The following PADI1 variants were observed in gnomAD, a reference collection of about 807,000 sequenced individuals.
PADI1 encodes the protein protein-arginine deiminase type-1.
Under a neutral mutation model 74.8 loss-of-function variants are expected in PADI1, and 65 were observed. The observed-to-expected ratio is 0.87, with a 90% CI of 0.71 to 1.07. The LOEUF (loss-of-function observed/expected upper bound fraction) is 1.07, where lower values mean the gene tolerates loss of function less well. Among genes scored for constraint, PADI1 ranks in the 50% least tolerant of loss-of-function variants. The pLI is 0.00. For synonymous variants in PADI1, 371 were observed against 336.2 expected (o/e 1.10, Z -1.13); for missense variants, 943 against 854.0 (o/e 1.10, Z -1.30).
At chr1:17,213,909 T>A (rs1265022623) in intron 1 of PADI1, among the ~76,000 whole-genome samples, 1 of 152,174 alleles carries the variant, frequency 6.6e-6, no homozygotes, top group African/African-American at 2.4e-5. Context: ...AACCTCTCTA[T>A]TGAACCTGAT....
Position 17,232,912 on chromosome 1 carries a change from A to T in PADI1, c.1255A>T (p.Thr419Ser), listed in dbSNP as rs938940275. The part of the protein sequence containing the change: ...FGNLDVSPPV[T>S]VGGTEYPLGR... ...CAACCTGGACGTCAGCCCGCCCGTC[A>T]CGGTGGGCGGCACGGAATACCCCCT... Residue 419 changes from threonine to serine, a missense_variant, in exon 11 of 16, where the codon ACG (threonine) becomes TCG (serine). Physicochemically the swap from Thr to Ser is moderately conservative, Grantham distance 58. Coordinates refer to ENST00000375471, the MANE Select transcript of PADI1 (RefSeq NM_013358.3). 6.2e-7 allele frequency: 1 copy of T among 1,612,830 alleles called. No homozygotes were observed. The highest frequency in any genetic ancestry group is 8.5e-7 in the Non-Finnish European group (1 of 1,179,846).
chr1:17,215,261 G>A (rs2071944456), intron 1 of PADI1, among the ~76,000 whole-genome samples: 1 of 152,180 alleles, frequency 6.6e-6, no homozygotes, highest in Non-Finnish European at 1.5e-5. Context: ...AGAGGTGTGA[G>A]CTATTGAGCA....
rs907629626 is a variant in PADI1 at position 17,228,972 on chromosome 1, A to G, written c.850A>G (p.Thr284Ala). The G allele has an allele frequency of 4.4e-6, 7 of 1,600,216 alleles. No homozygotes were observed. The African/African-American group carries it at 6.7e-5, about 15-fold the overall frequency. ...GACCCTGCCCGAGGTGACCCTCTTC[A>G]CAGACACTGTGGGCTTCCGCATGGC... The part of the protein sequence containing the change: ...PGTLPEVTLF[T>A]DTVGFRMAPW... Residue 284 changes from threonine (T) to alanine (A), a missense_variant, in exon 8 of 16, where the codon ACA becomes GCA. Coordinates refer to ENST00000375471, the MANE Select transcript of PADI1 (RefSeq NM_013358.3).
At chr1:17,219,524 A>G (rs1205419677) in intron 1 of PADI1, among the ~76,000 whole-genome samples, 1 of 152,160 alleles carries the variant, frequency 6.6e-6, no homozygotes, top group East Asian at 1.9e-4. Context: ...GGTGGAGGAC[A>G]GGAGCATTGG....
chr1:17,218,362 C>T (rs1224645180), intron 1 of PADI1, among the ~76,000 whole-genome samples: 1 of 152,124 alleles, frequency 6.6e-6, no homozygotes, highest in African/African-American at 2.4e-5. Flanking sequence ...CCCCCCCACT[C>T]CAGAGAGCTG....
chr1:17,207,823 G>C (rs1227242294), intron 1 of PADI1, among the ~76,000 whole-genome samples: 1 of 152,240 alleles, frequency 6.6e-6, no homozygotes, highest in East Asian at 1.9e-4. Flanking sequence ...ACCTTCACCT[G>C]GGTGTTGGTG....
At chr1:17,227,508 G>A (rs2072349933) in intron 6 of PADI1, among the ~76,000 whole-genome samples, 1 of 151,342 alleles carries the variant, frequency 6.6e-6, no homozygotes, top group African/African-American at 2.4e-5. Context: ...TCCAGCCTGG[G>A]AGACAGAGTG....
intron 14 of PADI1, 81 bp downstream of exon 14, chr1:17,239,864 G>A: frequency 8.7e-7 from 1 of 1,147,852 alleles, no homozygotes; most frequent in Non-Finnish European, 1.3e-6. Flanking sequence ...GGTTGGGTCA[G>A]AGATTCAGCG....
At chr1:17,225,774 G>T in intron 4 of PADI1, 37 bp from the exon 5 acceptor site, 2 of 1,517,766 alleles carry the variant, frequency 1.3e-6, no homozygotes, top group South Asian at 1.1e-5. Flanking sequence ...GAGCCTCCTG[G>T]GTCCCACTGA....
At chr1:17,210,283 A>G (rs1435079121) in intron 1 of PADI1, among the ~76,000 whole-genome samples, 1 of 151,998 alleles carries the variant, frequency 6.6e-6, no homozygotes, top group African/African-American at 2.4e-5. Flanking sequence ...TAGCCCCCCA[A>G]GTAGCTAGGA....
chr1:17,220,664 T>C (rs532782924), intron 1 of PADI1, among the ~76,000 whole-genome samples: 1 of 152,236 alleles, frequency 6.6e-6, no homozygotes, highest in Non-Finnish European at 1.5e-5. Flanking sequence ...CCGTGGGGGA[T>C]GATGTTGGAG....
At chr1:17,213,908 A>G (rs1197266979) in intron 1 of PADI1, among the ~76,000 whole-genome samples, 2 of 152,118 alleles carry the variant, frequency 1.3e-5, no homozygotes, top group Non-Finnish European at 2.9e-5. Context: ...TAACCTCTCT[A>G]TTGAACCTGA....
In PADI1 at chr1:17,209,560, T is replaced by A. The variant is rs963698016; in HGVS notation, c.92+4251T>A. Reference sequence around the variant, plus strand: ...TGGGTCCTAGCTGCCACTTGCCATTTTGGGACTGGCTGGGAATCTCTCCCC... The same window carrying A: ...TGGGTCCTAGCTGCCACTTGCCATTATGGGACTGGCTGGGAATCTCTCCCC... On this transcript the variant is annotated intron_variant, in intron 1 of 15. Coordinates refer to ENST00000375471, the MANE Select transcript of PADI1 (RefSeq NM_013358.3). Among the ~76,000 whole-genome samples the A allele has an allele frequency of 6.6e-5, 10 of 152,322 alleles. No homozygotes were observed. The East Asian group carries it at 1.9e-3, about 29-fold the overall frequency.
chr1:17,237,491 C>G, intron 12 of PADI1, 33 bp downstream of exon 12: 3 of 1,578,614 alleles, frequency 1.9e-6, no homozygotes, highest in Non-Finnish European at 2.6e-6. Context: ...TGAGCCACCT[C>G]TGCCCTTGTC....
intron 1 of PADI1, among the ~76,000 whole-genome samples, chr1:17,212,600 C>A (rs2977280): frequency 4.6e-5 from 7 of 152,000 alleles, no homozygotes; most frequent in Non-Finnish European, 8.8e-5. Flanking sequence ...CGGTGGAGCC[C>A]CAGTGGGCCG....
intron 1 of PADI1, among the ~76,000 whole-genome samples, chr1:17,213,856 T>C (rs1399998689): frequency 6.6e-6 from 1 of 152,218 alleles, no homozygotes; most frequent in Non-Finnish European, 1.5e-5. Context: ...CCTCCGCGTC[T>C]CCTTTTGTGA....
intron 1 of PADI1, among the ~76,000 whole-genome samples, chr1:17,206,844 G>A (rs1308726476): frequency 6.6e-6 from 1 of 151,870 alleles, no homozygotes; most frequent in Non-Finnish European, 1.5e-5. Context: ...ATCACACTCG[G>A]CTAATTTTGT....
At chr1:17,242,452 T>C (rs1017258280) in intron 15 of PADI1, among the ~76,000 whole-genome samples, 12 of 152,242 alleles carry the variant, frequency 7.9e-5, no homozygotes, top group Admixed American at 3.3e-4. Context: ...CAGTGGCTAC[T>C]GTGGTGGACA....
rs796120861 is a variant in PADI1 at position 17,235,293 on chromosome 1, G to GGGAAGGAAGGAA, written c.1314-2017_1314-2006dup. Among the ~76,000 whole-genome samples, 12 of 62,828 alleles carry GGGAAGGAAGGAA rather than the reference G, an allele frequency of 1.9e-4. 4 individuals are homozygous for GGGAAGGAAGGAA. Among genetic ancestry groups the GGGAAGGAAGGAA allele is most frequent in the African/African-American group, 5.9e-4 (10 of 16,820 alleles). The allele number at this position is 62,828 out of a possible 152,430, so 41.2% of individuals were successfully genotyped here. A position where few individuals can be genotyped will look rare whatever the true frequency, so the allele number is the denominator to read the frequency against. On this transcript the variant is annotated intron_variant, in intron 11 of 15. Coordinates refer to ENST00000375471, the MANE Select transcript of PADI1 (RefSeq NM_013358.3). ...AAGGAAGGAAGGAAGGAAGGAAGGA[G>GGGAAGGAAGGAA]GGAAGGAAGGAAGGAGGCAAAGTAG...
Sources: allele counts gnomAD v4.1 joint callset (sites outside exome capture counted in the v4.1 genomes callset), GRCh38; gene constraint gnomAD v4.1.1; transcripts MANE v1.5; gene names NCBI Gene and HGNC (gene_info 2026-07-23, HGNC 2026-07-21).